Variants in EXOC3L2 observed in about 807,000 individuals in gnomAD.
EXOC3L2 encodes exocyst complex component 3-like protein 2.
Under a neutral mutation model 44.4 loss-of-function variants are expected in EXOC3L2, and 17 were observed. That is an observed-to-expected ratio of 0.38 (90% CI 0.26 to 0.57). The LOEUF is 0.57. Among genes scored for constraint, EXOC3L2 ranks in the 20% least tolerant of loss-of-function variants. The probability of loss-of-function intolerance (pLI) is 0.65; values close to 1 mark genes in which losing one functional copy is unlikely to be tolerated. For missense variants in EXOC3L2, 541 were observed against 588.4 expected (o/e 0.92, Z 0.83); for synonymous variants, 256 against 253.7 (o/e 1.01, Z -0.09).
chr19:45,240,381 G>A (rs1970121682), intron 1 of EXOC3L2, among the ~76,000 whole-genome samples: 2 of 151,948 alleles, frequency 1.3e-5, no homozygotes, highest in Admixed American at 1.3e-4. Flanking sequence ...GCCTCCCAAA[G>A]TGCTGGGATT....
At chr19:45,237,719 A>C (rs1970096196) in intron 2 of EXOC3L2, among the ~76,000 whole-genome samples, 1 of 152,148 alleles carries the variant, frequency 6.6e-6, no homozygotes, top group Middle Eastern at 3.2e-3. Context: ...GAAAAAAAAA[A>C]GATATGTGAA....
chr19:45,217,552 T>G lies in EXOC3L2; in HGVS notation c.1974A>C (p.Gln658His). 3 of 1,571,734 alleles carry G rather than the reference T, an allele frequency of 1.9e-6. No homozygotes were observed. The highest frequency in any genetic ancestry group is 2.6e-6 in the Non-Finnish European group (3 of 1,165,864). The stretch of plus-strand genomic sequence containing the variant: ...CCAGCCGCCGGAACAGCCTCTGCAG[T>G]TGCGCCGCGTCCTCCCGGAGCCTGC... ...VAGRLREDAA[Q>H]LQRLFRRLES... The change falls in exon 10 of 12, where the codon CAA becomes CAC. Residue 658 changes from glutamine to histidine, a missense_variant. Coordinates refer to ENST00000413988, the MANE Select transcript of EXOC3L2 (RefSeq NM_001382422.1).
At position 45,213,062 on chromosome 19, in the gene EXOC3L2, G is replaced by A. The variant is rs1599758576; in HGVS notation, c.*7C>T. 2 of 1,476,354 alleles carry A rather than the reference G, an allele frequency of 1.4e-6. No homozygotes were observed. Among genetic ancestry groups the A allele is most frequent in the African/African-American group, 1.4e-5 (1 of 70,820 alleles). The allele number at this position is 1,476,354 out of a possible 1,614,324, so 91.5% of individuals were successfully genotyped here. On this transcript the variant is annotated 3_prime_UTR_variant, in exon 12 of 12. Coordinates refer to ENST00000413988, the MANE Select transcript of EXOC3L2 (RefSeq NM_001382422.1). Reference sequence around the variant, plus strand: ...TGGGGTCACTAAGGCCGGCGGTTGGGTGACCCTCAGCGCTGGGCCCGAGGT... The same window carrying A: ...TGGGGTCACTAAGGCCGGCGGTTGGATGACCCTCAGCGCTGGGCCCGAGGT...
chr19:45,243,552 C>T (rs1303847680), intron 1 of EXOC3L2, among the ~76,000 whole-genome samples: 6 of 152,210 alleles, frequency 3.9e-5, no homozygotes, highest in Admixed American at 3.9e-4. Flanking sequence ...ATGACGACCC[C>T]TTGCCTGGAG....
At position 45,213,084 on chromosome 19, in the gene EXOC3L2, A is replaced by G. The variant is rs762641438; in HGVS notation, c.2394T>C (p.Pro798=). The G allele has an allele frequency of 2.0e-6, 3 of 1,506,886 alleles. No individual in the cohort carries two copies. The highest frequency in any genetic ancestry group is 2.6e-6 in the Non-Finnish European group (3 of 1,133,122). 93.3% of individuals were successfully genotyped at this position (1,506,886 alleles called of 1,614,324 possible). ...PRPRPPSLAR[P]RAQR is the part of the protein sequence containing the mutation. ...TGGGTGACCCTCAGCGCTGGGCCCG[A>G]GGTCGCGCTAGAGACGGAGGCCGGG... Residue 798 remains proline, a synonymous_variant, in exon 12 of 12, where the codon CCT becomes CCC. Transcript: ENST00000413988.
At chr19:45,229,298 A>AT (rs1386873446) in intron 4 of EXOC3L2, among the ~76,000 whole-genome samples, 2 of 122,006 alleles carry the variant, frequency 1.6e-5, no homozygotes, top group East Asian at 4.9e-4. Context: ...TATTAAATAT[A>AT]TACATATATT....
At chr19:45,235,827 GT>G (rs1201129965) in intron 2 of EXOC3L2, among the ~76,000 whole-genome samples, 1 of 152,192 alleles carries the variant, frequency 6.6e-6, no homozygotes, top group African/African-American at 2.4e-5. Flanking sequence ...TGGCCAGAAC[GT>G]GGAGGGCATC....
intron 2 of EXOC3L2, among the ~76,000 whole-genome samples, chr19:45,236,882 G>A (rs942218631): frequency 2.0e-5 from 3 of 151,892 alleles, no homozygotes; most frequent in African/African-American, 7.3e-5. Flanking sequence ...ATGCATGCCT[G>A]TAATCCCAGC....
intron 8 of EXOC3L2, among the ~76,000 whole-genome samples, chr19:45,223,867 G>C (rs1046720264): frequency 2.0e-5 from 3 of 151,950 alleles, no homozygotes; most frequent in African/African-American, 7.2e-5. Context: ...GGTGGTGCAT[G>C]CCTGTAATCC....
In EXOC3L2 at chr19:45,224,872, C is replaced by A. The variant is rs557776339; in HGVS notation, c.1625G>T (p.Ser542Ile). The A allele has an allele frequency of 5.7e-6, 9 of 1,574,598 alleles. No individual in the cohort carries two copies. ...ERLARVGPPESEPAREASASA... is the reference protein window; with the variant it reads ...ERLARVGPPEIEPAREASASA... ...AGCAGATGCTTCCCGGGCCGGCTCG[C>A]TTTCTGGGGGCCCCACCCGGGCCAG... Residue 542 changes from serine to isoleucine, a missense_variant, in exon 8 of 12, where the codon AGC becomes ATC. Physicochemically the swap from Ser to Ile is moderately radical, Grantham distance 142 (BLOSUM62 -2). Transcript: ENST00000413988.
chr19:45,232,084 T>C (rs1970037823), intron 3 of EXOC3L2, among the ~76,000 whole-genome samples: 1 of 152,146 alleles, frequency 6.6e-6, no homozygotes, highest in Non-Finnish European at 1.5e-5. Context: ...ATGGATGGTG[T>C]CCCGGCATGA....
intron 10 of EXOC3L2, chr19:45,217,050 T>C (rs536996335): frequency 6.6e-6 from 1 of 151,752 alleles, no homozygotes; most frequent in East Asian, 1.9e-4. Context: ...TGAGACAGAG[T>C]CTCACTCTGT....
At position 45,218,336 on chromosome 19, in the gene EXOC3L2, A is replaced by AG; in HGVS notation, c.1720-18dup. On this transcript the variant is annotated splice_polypyrimidine_tract_variant and intron_variant, in intron 8 of 11. Transcript: ENST00000413988. The stretch of plus-strand genomic sequence containing the variant: ...GAAGTGTGGCTGGCAGGGACAGAGT[A>AG]GGGGGTCACGCTCTCCTCCCTCCCA... The AG allele has an allele frequency of 6.3e-7, 1 of 1,584,520 alleles. No individual in the cohort carries two copies. Among genetic ancestry groups the AG allele is most frequent in the Non-Finnish European group, 8.6e-7 (1 of 1,163,264 alleles).
At chr19:45,242,557 C>G (rs939648016) in intron 1 of EXOC3L2, among the ~76,000 whole-genome samples, 1 of 152,088 alleles carries the variant, frequency 6.6e-6, no homozygotes, top group Non-Finnish European at 1.5e-5. Context: ...CATCCACTGC[C>G]CTGATTTTTG....
Position 45,217,535 on chromosome 19 carries a change from C to G in EXOC3L2, c.1991G>C (p.Arg664Pro), listed in dbSNP as rs1363697386. The change falls in exon 10 of 12, where the codon CGG becomes CCG. Residue 664 changes from arginine to proline, a missense_variant. Coordinates refer to ENST00000413988, the MANE Select transcript of EXOC3L2 (RefSeq NM_001382422.1). ...EDAAQLQRLF[R>P]RLESQASWLD... ...CCGCGTCCCGACACTGACCAGCCGC[C>G]GGAACAGCCTCTGCAGTTGCGCCGC... 1 of 1,577,118 alleles carries G rather than the reference C, an allele frequency of 6.3e-7. No homozygotes were observed. The highest frequency in any genetic ancestry group is 8.6e-7 in the Non-Finnish European group (1 of 1,168,606).
At position 45,235,572 on chromosome 19, in the gene EXOC3L2, G is replaced by GT. The variant is rs760585748; in HGVS notation, c.524-747dup. ...GTGGGCTGATCTGGCCCTCTGATGA[G>GT]TTCAGACTGCCTCGAGAAAGGCGAG... is the stretch of plus-strand genomic sequence containing the variant. On this transcript the variant is annotated intron_variant, in intron 2 of 11. Coordinates refer to ENST00000413988, the MANE Select transcript of EXOC3L2 (RefSeq NM_001382422.1). 1.4e-3 allele frequency among the ~76,000 whole-genome samples: 212 copies of GT among 152,216 alleles called. No individual in the cohort carries two copies. The Middle Eastern group carries it at 0.02, about 15-fold the overall frequency.
intron 2 of EXOC3L2, among the ~76,000 whole-genome samples, chr19:45,237,880 A>T (rs1047717243): frequency 2.0e-5 from 3 of 152,322 alleles, no homozygotes; most frequent in Admixed American, 2.0e-4. Context: ...GCCGTGGCTC[A>T]AGCCTGTAAT....
In EXOC3L2 at chr19:45,213,032, A is replaced by C; in HGVS notation, c.*37T>G. On this transcript the variant is annotated 3_prime_UTR_variant, in exon 12 of 12. Transcript: ENST00000413988. The stretch of plus-strand genomic sequence containing the variant: ...TACGGGAGGTTGGCTTGTCAGCAGC[A>C]TAGATGGGGTCACTAAGGCCGGCGG... 1 of 1,453,142 alleles carries C rather than the reference A, an allele frequency of 6.9e-7. No homozygotes were observed. The highest frequency in any genetic ancestry group is 9.0e-7 in the Non-Finnish European group (1 of 1,108,500). 90.0% of individuals were successfully genotyped at this position (1,453,142 alleles called of 1,614,324 possible).
At position 45,216,064 on chromosome 19, in the gene EXOC3L2, G is replaced by T. The variant is rs1214143914; in HGVS notation, c.2120+9C>A. The T allele has an allele frequency of 1.9e-6, 3 of 1,613,604 alleles. No individual in the cohort carries two copies. The highest frequency in any genetic ancestry group is 4.5e-5 in the East Asian group (2 of 44,832). ...CACGGCGAGCCCTGGCCCAGGCGGG[G>T]TGTCTCACCTGATGTCTGGGTAGTC... is the stretch of plus-strand genomic sequence containing the variant. On this transcript the variant is annotated intron_variant, in intron 11 of 11. Coordinates refer to ENST00000413988, the MANE Select transcript of EXOC3L2 (RefSeq NM_001382422.1).
Sources: allele counts gnomAD v4.1 joint callset (sites outside exome capture counted in the v4.1 genomes callset), GRCh38; gene constraint gnomAD v4.1.1; transcripts MANE v1.5; gene names NCBI Gene and HGNC (gene_info 2026-07-23, HGNC 2026-07-21).